The following TAS2R1 variants were observed in gnomAD, a reference collection of about 807,000 sequenced individuals.
TAS2R1 encodes taste 2 receptor member 1.
For synonymous variants in TAS2R1, 141 were observed against 134.2 expected (o/e 1.05, Z -0.35); for missense variants, 370 against 353.4 (o/e 1.05, Z -0.38).
chr5:9,793,393 T>C, the TAS2R1 span, among the ~76,000 whole-genome samples: 1 of 152,206 alleles, frequency 6.6e-6, no homozygotes, highest in Non-Finnish European at 1.5e-5. Context: ...AGGTAGTTCT[T>C]TCAACTCAGG....
At chr5:9,654,942 G>C (rs1286386118) in intron 2 of TAS2R1, among the ~76,000 whole-genome samples, 2 of 152,198 alleles carry the variant, frequency 1.3e-5, no homozygotes. Context: ...CCCACAAAAA[G>C]ACTGTTATAA....
the TAS2R1 span, among the ~76,000 whole-genome samples, chr5:9,899,673 A>G: frequency 6.6e-6 from 1 of 152,052 alleles, no homozygotes; most frequent in Non-Finnish European, 1.5e-5. Flanking sequence ...GAAAATTTCA[A>G]ATAAGCAGCC....
At chr5:9,707,408 T>C (rs763969522) in intron 1 of TAS2R1, among the ~76,000 whole-genome samples, 3 of 152,178 alleles carry the variant, frequency 2.0e-5, no homozygotes, top group Non-Finnish European at 4.4e-5. Flanking sequence ...CCCCAAGTCA[T>C]CTTAAAAGAC....
the TAS2R1 span, among the ~76,000 whole-genome samples, chr5:9,888,507 CA>C: frequency 6.6e-6 from 1 of 152,166 alleles, no homozygotes; most frequent in African/African-American, 2.4e-5. Context: ...AAAAATTAAT[CA>C]ATCCGTAATG....
chr5:9,755,334 T>C, the TAS2R1 span, among the ~76,000 whole-genome samples: 1 of 152,166 alleles, frequency 6.6e-6, no homozygotes, highest in Non-Finnish European at 1.5e-5. Flanking sequence ...ACGCCTGTAA[T>C]CCCAGCACTT....
the TAS2R1 span, among the ~76,000 whole-genome samples, chr5:9,891,470 C>G: frequency 6.6e-6 from 1 of 152,040 alleles, no homozygotes; most frequent in African/African-American, 2.4e-5. Flanking sequence ...CTCACATAAG[C>G]AAAGCTCTTT....
At chr5:9,783,725 A>AT in the TAS2R1 span, among the ~76,000 whole-genome samples, 1 of 152,162 alleles carries the variant, frequency 6.6e-6, no homozygotes, top group East Asian at 1.9e-4. Context: ...CACCAAAACT[A>AT]TTTTTTTATT....
At chr5:9,824,311 T>A in the TAS2R1 span, among the ~76,000 whole-genome samples, 3 of 152,162 alleles carry the variant, frequency 2.0e-5, no homozygotes, top group Non-Finnish European at 1.5e-5. Context: ...CTTCTAGTAT[T>A]TAGGGTTGTT....
the TAS2R1 span, among the ~76,000 whole-genome samples, chr5:9,855,387 G>C: frequency 6.6e-6 from 1 of 152,226 alleles, no homozygotes; most frequent in Admixed American, 6.5e-5. Flanking sequence ...TAAGTTTAAA[G>C]AGTTTTTACT....
At chr5:9,802,626 G>A in the TAS2R1 span, among the ~76,000 whole-genome samples, 1 of 152,174 alleles carries the variant, frequency 6.6e-6, no homozygotes, top group South Asian at 2.1e-4. Context: ...TTAAGGGCTG[G>A]GCACGGTGGC....
chr5:9,738,138 T>C, the TAS2R1 span, among the ~76,000 whole-genome samples: 18 of 152,338 alleles, frequency 1.2e-4, no homozygotes, highest in Middle Eastern at 3.4e-3. Flanking sequence ...TCTTTCTTCC[T>C]GCAAGAGCTG....
At chr5:9,777,832 C>T in the TAS2R1 span, among the ~76,000 whole-genome samples, 1 of 151,656 alleles carries the variant, frequency 6.6e-6, no homozygotes, top group Non-Finnish European at 1.5e-5. Context: ...CATTAGTCTC[C>T]TTGTACATCT....
chr5:9,889,162 A>G, the TAS2R1 span, among the ~76,000 whole-genome samples: 1 of 152,196 alleles, frequency 6.6e-6, no homozygotes, highest in African/African-American at 2.4e-5. Context: ...AGCTACTGAA[A>G]GGGGGTCGGA....
chr5:9,767,220 C>T, the TAS2R1 span, among the ~76,000 whole-genome samples: 1 of 151,938 alleles, frequency 6.6e-6, no homozygotes, highest in Non-Finnish European at 1.5e-5. Flanking sequence ...CCCGCAATCC[C>T]ACGCATCATC....
intron 1 of TAS2R1, among the ~76,000 whole-genome samples, chr5:9,701,375 G>T (rs1482006577): frequency 3.3e-5 from 5 of 151,804 alleles, no homozygotes; most frequent in African/African-American, 1.2e-4. Flanking sequence ...AGCTTTTCTA[G>T]CTCTAGGTTG....
At chr5:9,732,854 G>C in the TAS2R1 span, among the ~76,000 whole-genome samples, 1 of 152,170 alleles carries the variant, frequency 6.6e-6, no homozygotes, top group Non-Finnish European at 1.5e-5. Flanking sequence ...TATTTGCAGG[G>C]CAGCCCACAG....
At chr5:9,840,885 T>TGAGATGGAG in the TAS2R1 span, among the ~76,000 whole-genome samples, 1 of 96,834 alleles carries the variant, frequency 1.0e-5, no homozygotes, top group African/African-American at 3.9e-5. Flanking sequence ...TTTTTTTTTT[T>TGAGATGGAG]TTTTTTTTGA....
At chr5:9,635,977 G>C (rs766653671) in intron 2 of TAS2R1, among the ~76,000 whole-genome samples, 1 of 151,530 alleles carries the variant, frequency 6.6e-6, no homozygotes, top group Non-Finnish European at 1.5e-5. Context: ...TTTCTGCCAG[G>C]TTTGGGGTTT....
chr5:9,755,587 CAAAAAAAAA>C, the TAS2R1 span, among the ~76,000 whole-genome samples: 1 of 94,868 alleles, frequency 1.1e-5, no homozygotes. Context: ...ACTCCATCTC[CAAAAAAAAA>C]AAAAAAAAAG....
Sources: allele counts gnomAD v4.1 joint callset (sites outside exome capture counted in the v4.1 genomes callset), GRCh38; gene constraint gnomAD v4.1.1; transcripts MANE v1.5; gene names NCBI Gene and HGNC (gene_info 2026-07-23, HGNC 2026-07-21).